Variants in ANO3 observed in about 807,000 individuals in gnomAD.
ANO3 encodes the protein anoctamin-3.
A neutral mutation model predicts 144.8 loss-of-function variants in ANO3; 99 were observed. The ratio of observed to expected loss-of-function variants is 0.68; its 90% CI spans 0.58 to 0.81. ANO3 has a LOEUF of 0.81. ANO3 is among the 30% of genes least tolerant of loss of function. The pLI, the probability that ANO3 is intolerant of heterozygous loss-of-function variation, is 0.00. For synonymous variants in ANO3, 414 were observed against 392.6 expected, an observed-to-expected ratio of 1.05 and a Z score of -0.64; for missense variants, 905 against 1,202.2, an observed-to-expected ratio of 0.75 and a Z score of 3.66.
At chr11:26,582,333 T>C (rs934692386) in intron 14 of ANO3, among the ~76,000 whole-genome samples, 1 of 152,232 alleles carries the variant, frequency 6.6e-6, no homozygotes, top group Non-Finnish European at 1.5e-5. Flanking sequence ...CAGTTCCAGA[T>C]AAATACATAT....
intron 1 of ANO3, among the ~76,000 whole-genome samples, chr11:26,297,934 C>A (rs960132414): frequency 6.6e-6 from 1 of 152,166 alleles, no homozygotes; most frequent in Non-Finnish European, 1.5e-5. Flanking sequence ...GACACCACAG[C>A]CCCATTCTTT....
chr11:26,214,988 T>A (rs1447511148), intron 1 of ANO3, among the ~76,000 whole-genome samples: 1 of 152,000 alleles, frequency 6.6e-6, no homozygotes, highest in Non-Finnish European at 1.5e-5. Flanking sequence ...ACCAGGATTA[T>A]GTATTTTTGG....
At chr11:26,267,762 G>A (rs1015422658) in intron 1 of ANO3, among the ~76,000 whole-genome samples, 1 of 151,988 alleles carries the variant, frequency 6.6e-6, no homozygotes, top group Admixed American at 6.6e-5. Flanking sequence ...AAATGATCTT[G>A]TGCACTTATT....
At chr11:26,207,076 A>C (rs950920999) in intron 1 of ANO3, among the ~76,000 whole-genome samples, 2 of 152,160 alleles carry the variant, frequency 1.3e-5, no homozygotes, top group African/African-American at 4.8e-5. Flanking sequence ...TAGTCAAAGG[A>C]TACGAAGTTT....
chr11:26,632,197 A>G (rs544132189), intron 18 of ANO3, among the ~76,000 whole-genome samples: 38 of 151,242 alleles, frequency 2.5e-4, no homozygotes, highest in African/African-American at 9.0e-4. Context: ...ATCTCAAGAA[A>G]AAAAAAAAAA....
In ANO3 at chr11:26,605,833, T is replaced by C. The variant is rs4333981; in HGVS notation, c.1836+6119T>C. 7.0e-4 allele frequency among the ~76,000 whole-genome samples: 106 copies of C among 152,170 alleles called. 2 individuals carry two copies. In the South Asian group the frequency reaches 0.022, roughly 31 times the overall value. On this transcript the variant is annotated intron_variant, in intron 17 of 26. Coordinates refer to ENST00000256737, the MANE Select transcript of ANO3 (RefSeq NM_031418.4). ...TCTATTTGATTCTTCTCTCTTTTCG[T>C]CTTTATTAGTCTGGCTAGCAGTCTA...
At chr11:26,564,418 G>A (rs1346350731) in intron 14 of ANO3, among the ~76,000 whole-genome samples, 2 of 104,820 alleles carry the variant, frequency 1.9e-5, no homozygotes, top group African/African-American at 3.5e-5. Flanking sequence ...AGTTCTTGGA[G>A]GAAAACAAAT....
intron 1 of ANO3, among the ~76,000 whole-genome samples, chr11:26,416,348 T>A (rs1857585649): frequency 6.6e-6 from 1 of 152,092 alleles, no homozygotes; most frequent in African/African-American, 2.4e-5. Flanking sequence ...TATGGATTAA[T>A]GAGAAAGATA....
chr11:26,197,712 A>G (rs188156035), intron 1 of ANO3, among the ~76,000 whole-genome samples: 1 of 152,176 alleles, frequency 6.6e-6, no homozygotes, highest in Non-Finnish European at 1.5e-5. Flanking sequence ...CGTCTCTTCC[A>G]GGGTTTACTT....
At chr11:26,621,280 G>C (rs888253631) in intron 17 of ANO3, among the ~76,000 whole-genome samples, 5 of 152,100 alleles carry the variant, frequency 3.3e-5, no homozygotes, top group Non-Finnish European at 7.4e-5. Context: ...CACTGAAAAA[G>C]TGTTTCCCTG....
chr11:26,441,300 G>T (rs1429793374), intron 1 of ANO3, among the ~76,000 whole-genome samples: 1 of 150,880 alleles, frequency 6.6e-6, no homozygotes, highest in Non-Finnish European at 1.5e-5. Flanking sequence ...TGTATTTTTA[G>T]TAGAGACGGG....
At chr11:26,486,778 G>A (rs916513160) in intron 4 of ANO3, among the ~76,000 whole-genome samples, 1 of 152,124 alleles carries the variant, frequency 6.6e-6, no homozygotes, top group Non-Finnish European at 1.5e-5. Flanking sequence ...AAAAATATTA[G>A]AGAAACTACC....
At chr11:26,476,889 T>TTGTG (rs909812537) in intron 4 of ANO3, among the ~76,000 whole-genome samples, 4 of 136,402 alleles carry the variant, frequency 2.9e-5, no homozygotes, top group African/African-American at 1.1e-4. Context: ...TGTTATAATT[T>TTGTG]TGTGTGTGTG....
intron 1 of ANO3, among the ~76,000 whole-genome samples, chr11:26,281,938 C>T (rs1023003091): frequency 6.6e-6 from 1 of 152,140 alleles, no homozygotes; most frequent in African/African-American, 2.4e-5. Flanking sequence ...TCTATACAAC[C>T]ATGTGGATTA....
intron 14 of ANO3, chr11:26,565,242 T>G (rs1438331111): frequency 6.5e-7 from 1 of 1,548,268 alleles, no homozygotes; most frequent in South Asian, 1.2e-5. Flanking sequence ...AGTTGTTTTT[T>G]CTTGATAAGG....
intron 17 of ANO3, among the ~76,000 whole-genome samples, chr11:26,601,699 A>G (rs1395569832): frequency 6.6e-6 from 1 of 152,230 alleles, no homozygotes; most frequent in East Asian, 1.9e-4. Context: ...GGTATATAGT[A>G]AAACATCATG....
intron 3 of ANO3, among the ~76,000 whole-genome samples, chr11:26,462,375 CTATTT>C (rs899691574): frequency 1.3e-5 from 2 of 151,732 alleles, no homozygotes; most frequent in Non-Finnish European, 2.9e-5. Context: ...TAGAGATTTC[CTATTT>C]TATATTATTT....
At chr11:26,626,348 G>A (rs1301436397) in intron 18 of ANO3, among the ~76,000 whole-genome samples, 1 of 152,214 alleles carries the variant, frequency 6.6e-6, no homozygotes, top group Non-Finnish European at 1.5e-5. Flanking sequence ...GACTGGATAA[G>A]GAGAGCCTCA....
At chr11:26,366,455 T>C (rs1856088532) in intron 1 of ANO3, among the ~76,000 whole-genome samples, 1 of 152,166 alleles carries the variant, frequency 6.6e-6, no homozygotes, top group Admixed American at 6.5e-5. Context: ...AACATACATG[T>C]GCATGTGTCT....
Sources: allele counts gnomAD v4.1 joint callset (sites outside exome capture counted in the v4.1 genomes callset), GRCh38; gene constraint gnomAD v4.1.1; transcripts MANE v1.5; gene names NCBI Gene and HGNC (gene_info 2026-07-23, HGNC 2026-07-21).